DMD: variants seen among roughly 807,000 people sequenced by gnomAD.
DMD encodes the protein dystrophin, also known as mutant dystrophin.
DMD carries 63 observed loss-of-function variants against 330.1 expected under a neutral mutation model. The observed-to-expected ratio is 0.19, with a 90% CI of 0.16 to 0.24. The LOEUF is 0.24. Among genes scored for constraint, DMD ranks in the 10% least tolerant of loss-of-function variants. The probability of loss-of-function intolerance (pLI) is 1.00; values close to 1 mark genes in which losing one functional copy is unlikely to be tolerated. For missense variants in DMD, 3,344 were observed against 2,684.1 expected, an observed-to-expected ratio of 1.25 and a Z score of -5.43; for synonymous variants, 1,223 against 959.8, an observed-to-expected ratio of 1.27 and a Z score of -5.07.
rs1021249061 is a variant in DMD, at chrX:32,675,226, G to A, written c.960+22644C>T. 3.6e-5 allele frequency among the ~76,000 whole-genome samples: 4 copies of A among 111,140 alleles called. No individual in the cohort carries two copies. The East Asian group carries it at 1.1e-3, about 31-fold the overall frequency. ...GGATGTATTATCTTACTACAACTAG[G>A]ATGCCAAATGGGAATTTAATGCACC... On this transcript the variant is annotated intron_variant, in intron 9 of 78. Coordinates refer to ENST00000357033, the MANE Select transcript of DMD (RefSeq NM_004006.3).
intron 44 of DMD, among the ~76,000 whole-genome samples, chrX:32,027,183 C>CACACTCACAG (rs774715155): frequency 1.0e-5 from 1 of 97,502 alleles, no homozygotes; most frequent in Non-Finnish European, 2.0e-5. Context: ...CACACACACA[C>CACACTCACAG]AGAGAGAGAG....
intron 49 of DMD, among the ~76,000 whole-genome samples, chrX:31,832,561 G>A (rs751852128): frequency 2.7e-5 from 3 of 112,066 alleles, no homozygotes; most frequent in Non-Finnish European, 5.6e-5. Flanking sequence ...TTTGTCTACA[G>A]CAATTATTTT....
chrX:33,073,105 G>T (rs1454164567), intron 1 of DMD, among the ~76,000 whole-genome samples: 2 of 111,526 alleles, frequency 1.8e-5, no homozygotes, highest in Non-Finnish European at 3.8e-5. Flanking sequence ...ATTATCCAGT[G>T]ATATCTACTG....
intron 29 of DMD, among the ~76,000 whole-genome samples, chrX:32,421,710 G>A (rs901352458): frequency 2.7e-5 from 3 of 111,680 alleles, no homozygotes; most frequent in African/African-American, 6.5e-5. Flanking sequence ...TCTTCTCATC[G>A]TCTATAGATG....
At chrX:32,239,821 A>G (rs1316527137) in intron 43 of DMD, among the ~76,000 whole-genome samples, 1 of 111,678 alleles carries the variant, frequency 9.0e-6, no homozygotes, top group Non-Finnish European at 1.9e-5. Context: ...AATTTAAATA[A>G]CCCTTATCTT....
chrX:32,602,743 T>A (rs1476523494), intron 12 of DMD, among the ~76,000 whole-genome samples: 1 of 111,391 alleles, frequency 9.0e-6, no homozygotes, highest in Non-Finnish European at 1.9e-5. Context: ...ACAGTCTCTG[T>A]ACCTTCTATC....
chrX:33,260,619 A>G (rs1191245949), intron 1 of DMD, among the ~76,000 whole-genome samples: 1 of 111,662 alleles, frequency 9.0e-6, no homozygotes, highest in Non-Finnish European at 1.9e-5. Flanking sequence ...TTATTAGGAA[A>G]CTCATCAAAT....
intron 2 of DMD, among the ~76,000 whole-genome samples, chrX:32,985,728 C>T (rs1318357932): frequency 2.7e-5 from 3 of 111,832 alleles, no homozygotes; most frequent in Non-Finnish European, 5.6e-5. Flanking sequence ...CAGAGGCAGT[C>T]GCTGTCATGC....
chrX:32,157,594 T>G (rs1311426415), intron 44 of DMD, among the ~76,000 whole-genome samples: 1 of 112,462 alleles, frequency 8.9e-6, no homozygotes, highest in Non-Finnish European at 1.9e-5. Context: ...GAACTAGTTA[T>G]CAGGCTTGGC....
chrX:32,812,598 G>T (rs945288535), intron 6 of DMD, among the ~76,000 whole-genome samples: 1 of 112,324 alleles, frequency 8.9e-6, no homozygotes, highest in Non-Finnish European at 1.9e-5. Flanking sequence ...GGCCCACTGC[G>T]CTCTAGCCTG....
intron 1 of DMD, among the ~76,000 whole-genome samples, chrX:33,168,404 C>G (rs1430821865): frequency 1.8e-5 from 2 of 109,575 alleles, no homozygotes; most frequent in Non-Finnish European, 1.9e-5. Context: ...TTTTGTTGAC[C>G]TTTGAATTAT....
rs2097468210 is a variant in DMD, at chrX:32,291,466, T to G, written c.6118-3765A>C. Among the ~76,000 whole-genome samples the G allele has an allele frequency of 2.7e-5, 3 of 112,225 alleles. No individual in the cohort carries two copies. In the Admixed American group the frequency reaches 2.9e-4, roughly 11 times the overall value. The stretch of plus-strand genomic sequence containing the variant: ...AATACCATTAACACACCTACAGTCT[T>G]AACAAAAGTTCATTAATTGAATCAA... On this transcript the variant is annotated intron_variant, in intron 42 of 78. Coordinates refer to ENST00000357033, the MANE Select transcript of DMD (RefSeq NM_004006.3).
At chrX:31,453,851 A>T (rs1338712664) in intron 59 of DMD, among the ~76,000 whole-genome samples, 1 of 106,939 alleles carries the variant, frequency 9.4e-6, no homozygotes, top group South Asian at 4.3e-4. Context: ...ATAGTTCATG[A>T]GTGTTTCACA....
rs762985133 is a variant in DMD at position 33,008,733 on chromosome X, AAT to A, written c.93+11404_93+11405del. ...ACACAAAATAACTAGGATTGTTAAA[AAT>A]ATATATATACATCAGATAAGTATTT... On this transcript the variant is annotated intron_variant, in intron 2 of 78. Coordinates refer to ENST00000357033, the MANE Select transcript of DMD (RefSeq NM_004006.3). Among the ~76,000 whole-genome samples, 15 of 104,164 alleles carry A rather than the reference AAT, an allele frequency of 1.4e-4. No individual in the cohort carries two copies. The East Asian group carries it at 3.9e-3, about 27-fold the overall frequency. The allele number at this position is 104,164 out of a possible 115,157, so 90.5% of individuals were successfully genotyped here. A position where few individuals can be genotyped will look rare whatever the true frequency, so the allele number is the denominator to read the frequency against.
At chrX:31,830,333 G>A (rs1022069178) in intron 49 of DMD, among the ~76,000 whole-genome samples, 5 of 112,855 alleles carry the variant, frequency 4.4e-5, no homozygotes, top group Non-Finnish European at 9.4e-5. Context: ...AGTGGCTCAC[G>A]CCTGTAATCC....
chrX:32,293,389 A>G (rs369162443), intron 42 of DMD, among the ~76,000 whole-genome samples: 1 of 111,479 alleles, frequency 9.0e-6, no homozygotes. Flanking sequence ...GAGTATCCCT[A>G]AAGAATAATA....
At chrX:32,438,117 G>A (rs1353667452) in intron 29 of DMD, 124 bp downstream of exon 29, 20 of 719,552 alleles carry the variant, frequency 2.8e-5, no homozygotes, top group Non-Finnish European at 3.4e-5. Context: ...TCTGGCATTG[G>A]ATTGTCTCTG....
chrX:32,573,452 C>A (rs1016445284), intron 15 of DMD, 78 bp downstream of exon 15: 2 of 766,831 alleles, frequency 2.6e-6, no homozygotes, highest in African/African-American at 4.2e-5. Flanking sequence ...TATTCAATAG[C>A]ATAGAAGAGA....
At chrX:33,129,193 A>G (rs916300793) in intron 1 of DMD, 3 of 110,453 alleles carry the variant, frequency 2.7e-5, no homozygotes, top group Admixed American at 2.0e-4. Context: ...CAAAGCATAT[A>G]AACTAAATTT....
Sources: allele counts gnomAD v4.1 joint callset (sites outside exome capture counted in the v4.1 genomes callset), GRCh38; gene constraint gnomAD v4.1.1; transcripts MANE v1.5; gene names NCBI Gene and HGNC (gene_info 2026-07-23, HGNC 2026-07-21).